Variants in TENM3 observed in about 807,000 individuals in gnomAD.
TENM3 encodes the protein teneurin transmembrane protein 3.
Under a neutral mutation model 255.1 loss-of-function variants are expected in TENM3, and 63 were observed. The ratio of observed to expected loss-of-function variants is 0.25; its 90% confidence interval spans 0.20 to 0.30. TENM3 has a LOEUF of 0.30. Ranked by LOEUF, TENM3 falls within the 10% of genes least tolerant of loss-of-function variation. The pLI is 1.00. For missense variants in TENM3, 2,929 were observed against 3,461.1 expected (o/e 0.85, Z 3.86); for synonymous variants, 1,306 against 1,322.3 (o/e 0.99, Z 0.27).
At chr4:182,247,974 T>A (rs1757762583) in intron 1 of TENM3, among the ~76,000 whole-genome samples, 1 of 152,188 alleles carries the variant, frequency 6.6e-6, no homozygotes, top group Non-Finnish European at 1.5e-5. Context: ...TGTTTGTCAG[T>A]GACATAGAAA....
At chr4:182,232,185 G>A (rs1441026451) in intron 1 of TENM3, among the ~76,000 whole-genome samples, 1 of 152,026 alleles carries the variant, frequency 6.6e-6, no homozygotes, top group African/African-American at 2.4e-5. Flanking sequence ...CTGTCCTTCT[G>A]GCTGAAAGGG....
At chr4:181,751,589 C>T in the TENM3 span, among the ~76,000 whole-genome samples, 1 of 148,764 alleles carries the variant, frequency 6.7e-6, no homozygotes, top group Non-Finnish European at 1.5e-5. Context: ...AACCATCCCA[C>T]CTCGCTGATT....
the TENM3 span, among the ~76,000 whole-genome samples, chr4:181,998,805 A>G: frequency 6.6e-6 from 1 of 152,148 alleles, no homozygotes; most frequent in Non-Finnish European, 1.5e-5. Flanking sequence ...CCCTAGAGGT[A>G]TCCTGAAGCA....
chr4:182,034,960 G>A, the TENM3 span, among the ~76,000 whole-genome samples: 1 of 152,076 alleles, frequency 6.6e-6, no homozygotes. Flanking sequence ...TCTCCTGGGT[G>A]ATACCCTGAA....
At chr4:181,991,337 T>G in the TENM3 span, among the ~76,000 whole-genome samples, 1 of 152,140 alleles carries the variant, frequency 6.6e-6, no homozygotes, top group Non-Finnish European at 1.5e-5. Context: ...GCGCTCAGGT[T>G]CAATATGGAT....
At chr4:182,108,474 A>G in the TENM3 span, among the ~76,000 whole-genome samples, 508 of 152,326 alleles carry the variant, frequency 3.3e-3, 1 homozygote, top group Middle Eastern at 0.034. Flanking sequence ...TAATGAATCC[A>G]AACAAGTTGA....
intron 26 of TENM3, among the ~76,000 whole-genome samples, chr4:182,795,487 CACT>C (rs1185847814): frequency 6.6e-6 from 1 of 152,168 alleles, no homozygotes; most frequent in South Asian, 2.1e-4. Context: ...TCCCCACCAC[CACT>C]ACTACCACCC....
chr4:182,079,134 T>A, the TENM3 span, among the ~76,000 whole-genome samples: 1 of 152,210 alleles, frequency 6.6e-6, no homozygotes, highest in Non-Finnish European at 1.5e-5. Flanking sequence ...TGGTGGACTT[T>A]GTGTACTTTT....
the TENM3 span, among the ~76,000 whole-genome samples, chr4:181,681,550 T>G: frequency 6.6e-6 from 1 of 152,168 alleles, no homozygotes; most frequent in Non-Finnish European, 1.5e-5. Flanking sequence ...TCTGTATAAG[T>G]AACTTTACAA....
At chr4:181,733,213 A>C in the TENM3 span, among the ~76,000 whole-genome samples, 1 of 152,192 alleles carries the variant, frequency 6.6e-6, no homozygotes, top group Non-Finnish European at 1.5e-5. Context: ...CAGATAAATG[A>C]AGAAAGGTAC....
chr4:181,968,982 C>CTATA, the TENM3 span, among the ~76,000 whole-genome samples: 2 of 141,594 alleles, frequency 1.4e-5, no homozygotes, highest in African/African-American at 5.3e-5. Context: ...CTCTCTCTCT[C>CTATA]TCTCTCTCTC....
chr4:182,583,027 A>C (rs550425309), intron 3 of TENM3, among the ~76,000 whole-genome samples: 3 of 152,190 alleles, frequency 2.0e-5, no homozygotes, highest in African/African-American at 7.2e-5. Context: ...CTGGATAAGA[A>C]TGTCGATCTT....
chr4:182,591,861 G>T (rs568989806), intron 3 of TENM3, among the ~76,000 whole-genome samples: 1 of 152,226 alleles, frequency 6.6e-6, no homozygotes, highest in Non-Finnish European at 1.5e-5. Context: ...GAAAGGAAAA[G>T]AAAACCCCTG....
At chr4:182,520,332 A>G (rs1489194128) in intron 3 of TENM3, among the ~76,000 whole-genome samples, 1 of 152,210 alleles carries the variant, frequency 6.6e-6, no homozygotes, top group Non-Finnish European at 1.5e-5. Flanking sequence ...TAGTCAATCA[A>G]TAGTAAATCT....
At chr4:182,124,424 G>A in the TENM3 span, among the ~76,000 whole-genome samples, 5 of 152,186 alleles carry the variant, frequency 3.3e-5, no homozygotes, top group African/African-American at 4.8e-5. Flanking sequence ...AAGTTAAGAA[G>A]GGAAAGAGAG....
the TENM3 span, among the ~76,000 whole-genome samples, chr4:181,546,625 A>C: frequency 4.9e-5 from 7 of 142,016 alleles, no homozygotes; most frequent in African/African-American, 1.8e-4. Context: ...GAGGCAGGAG[A>C]ATGGCGTGAA....
At chr4:181,546,034 C>T in the TENM3 span, among the ~76,000 whole-genome samples, 12 of 152,180 alleles carry the variant, frequency 7.9e-5, no homozygotes, top group Non-Finnish European at 1.3e-4. Context: ...CTTTCACACA[C>T]GGCCTGTTAT....
the TENM3 span, among the ~76,000 whole-genome samples, chr4:181,500,456 T>C: frequency 6.6e-6 from 1 of 152,150 alleles, no homozygotes; most frequent in Non-Finnish European, 1.5e-5. Flanking sequence ...ACTGTGTATT[T>C]TGTGGCTATG....
At chr4:182,312,096 CA>C (rs781465616) in intron 1 of TENM3, among the ~76,000 whole-genome samples, 1 of 152,212 alleles carries the variant, frequency 6.6e-6, no homozygotes, top group Non-Finnish European at 1.5e-5. Context: ...TATTAGTTGT[CA>C]TAGTTCCTCA....
Sources: gnomAD v4.1 joint callset for allele counts (sites outside exome capture counted in the v4.1 genomes callset) on GRCh38, gnomAD v4.1.1 for gene constraint, MANE v1.5 for transcripts, NCBI Gene and HGNC (gene_info 2026-07-23, HGNC 2026-07-21) for gene names.